Variants in ZXDC observed in about 807,000 individuals in gnomAD.
The protein encoded by ZXDC is ZXD family zinc finger C, also known as zinc finger protein ZXDC.
In ZXDC, 58 loss-of-function variants were observed where a neutral mutation model predicts 63.6. That is an observed-to-expected ratio of 0.91 (90% CI 0.74 to 1.13). The LOEUF (loss-of-function observed/expected upper bound fraction) is 1.13. Ranked by LOEUF, ZXDC falls within the 50% of genes most tolerant of loss-of-function variation. The pLI is 0.00. For missense variants in ZXDC, 1,133 were observed against 1,148.9 expected (o/e 0.99, Z 0.20); for synonymous variants, 561 against 496.1 (o/e 1.13, Z -1.74).
chr3:126,454,286 T>C, intron 7 of ZXDC: 1 of 984,608 alleles, frequency 1.0e-6, no homozygotes, highest in Non-Finnish European at 1.2e-6. Context: ...TATCTGAGAT[T>C]TCTATTGGCT....
Position 126,461,778 on chromosome 3 carries a change from G to A in ZXDC, c.1884C>T (p.Thr628=). The A allele has an allele frequency of 5.0e-6, 8 of 1,614,138 alleles. No homozygotes were observed. The highest frequency in any genetic ancestry group is 6.8e-6 in the Non-Finnish European group (8 of 1,180,014). ...KNLSDDPLAL[T]SNSNLAAHIT... ...TATGTGCTGCTAAGTTACTATTGGA[G>A]GTCAAAGCCAGTGGGTCGTCACTCA... The change falls in exon 6 of 10, where the codon ACC becomes ACT. Residue 628 remains threonine, a synonymous_variant. Transcript: ENST00000389709.
intron 7 of ZXDC, chr3:126,452,956 T>C: frequency 3.2e-6 from 3 of 946,414 alleles, no homozygotes; most frequent in Non-Finnish European, 3.8e-6. Flanking sequence ...CAGGCTGGTC[T>C]TGAACTCCTG....
chr3:126,452,785 G>C (rs1381838902), intron 7 of ZXDC, among the ~76,000 whole-genome samples: 2 of 151,256 alleles, frequency 1.3e-5, no homozygotes. Context: ...TGTCACCCAG[G>C]CTAGAGTGCA....
At position 126,439,727 on chromosome 3, in the gene ZXDC, C is replaced by A; in HGVS notation, c.2395G>T (p.Asp799Tyr). 6.5e-7 allele frequency: 1 copy of A among 1,550,326 alleles called. No homozygotes were observed. The highest frequency in any genetic ancestry group is 8.7e-7 in the Non-Finnish European group (1 of 1,146,714). ...AGGACACCTTCGCCGGAGGGGTCAT[C>A]CTGGGAAGGCAACACAGAAAGGCCT... ...AQGVQVQLVQ[D>Y]DPSGEGVLPS... Residue 799 changes from aspartate to tyrosine, a missense_variant and splice_region_variant, in exon 9 of 10, where the codon GAT becomes TAT. Asp to Tyr is a radical substitution (Grantham distance 160). Transcript: ENST00000389709.
At chr3:126,458,840 C>G in intron 7 of ZXDC, 1 of 985,412 alleles carries the variant, frequency 1.0e-6, no homozygotes, top group African/African-American at 1.7e-5. Context: ...GTGTCCCTTC[C>G]TAAGTCACAA....
rs1014329521 is a variant in ZXDC at position 126,454,638 on chromosome 3, C to T, written c.2212+5015G>A. The stretch of plus-strand genomic sequence containing the variant: ...GTGCCCTCATTACACTTCACTGTGA[C>T]ACAGGATACCCTTGGTTTTCTGTCA... On this transcript the variant is annotated intron_variant, in intron 7 of 9. Coordinates refer to ENST00000389709, the MANE Select transcript of ZXDC (RefSeq NM_025112.5). 36 of 985,384 alleles carry T rather than the reference C, an allele frequency of 3.7e-5. No individual in the cohort carries two copies. In the African/African-American group the frequency reaches 6.1e-4, roughly 17 times the overall value. 61.0% of individuals were successfully genotyped at this position (985,384 alleles called of 1,614,324 possible).
At chr3:126,451,625 C>G (rs895143137) in intron 7 of ZXDC, 2 of 985,292 alleles carry the variant, frequency 2.0e-6, no homozygotes, top group Non-Finnish European at 2.4e-6. Flanking sequence ...CTCCTGTCAC[C>G]TGGGAAGGCC....
At position 126,459,670 on chromosome 3, in the gene ZXDC, C is replaced by T. The variant is rs1352241244; in HGVS notation, c.2195G>A (p.Gly732Glu). The change falls in exon 7 of 10, where the codon GGA becomes GAA. Residue 732 changes from glycine (G) to glutamate (E), a missense_variant. Coordinates refer to ENST00000389709, the MANE Select transcript of ZXDC (RefSeq NM_025112.5). ...GGCCTCACCTGCATTGCTCCCCGCT[C>T]CTCTCTGCTTTTTTTCCTTGGCTAG... is the stretch of plus-strand genomic sequence containing the variant. ...IQLAKEKKQR[G>E]AGSNAGASQS... is the part of the protein sequence containing the mutation. 1.2e-6 allele frequency: 2 copies of T among 1,614,116 alleles called. No homozygotes were observed. The highest frequency in any genetic ancestry group is 2.7e-5 in the African/African-American group (2 of 74,942).
chr3:126,448,969 G>A (rs780768937), intron 7 of ZXDC, among the ~76,000 whole-genome samples: 3 of 152,230 alleles, frequency 2.0e-5, no homozygotes, highest in East Asian at 3.9e-4. Flanking sequence ...CTGGGGAGAC[G>A]GGACGGGGCA....
At chr3:126,441,077 A>G (rs1933657314) in intron 8 of ZXDC, 1 of 985,448 alleles carries the variant, frequency 1.0e-6, no homozygotes, top group Non-Finnish European at 1.2e-6. Flanking sequence ...TCTCTCCCCA[A>G]ATCCTTCCAA....
At chr3:126,439,169 G>C (rs1194368672) in intron 9 of ZXDC, among the ~76,000 whole-genome samples, 1 of 152,218 alleles carries the variant, frequency 6.6e-6, no homozygotes, top group Non-Finnish European at 1.5e-5. Flanking sequence ...CAATTTGCAT[G>C]GCTTATTGTA....
intron 4 of ZXDC, among the ~76,000 whole-genome samples, chr3:126,466,583 T>C (rs1934777429): frequency 6.6e-6 from 1 of 152,254 alleles, no homozygotes; most frequent in Non-Finnish European, 1.5e-5. Flanking sequence ...AAGCAACCTC[T>C]GTGCCTGTTT....
chr3:126,460,141 G>A, intron 6 of ZXDC: 2 of 985,394 alleles, frequency 2.0e-6, no homozygotes, highest in Non-Finnish European at 2.4e-6. Flanking sequence ...GCCCGGGGCA[G>A]GTCCCACCTT....
rs530789769 is a variant in ZXDC, at chr3:126,438,733, C to A, written c.2491-272G>T. 3.3e-4 allele frequency among the ~76,000 whole-genome samples: 50 copies of A among 152,342 alleles called. No individual in the cohort carries two copies. In the South Asian group the frequency reaches 9.9e-3, roughly 30 times the overall value. On this transcript the variant is annotated intron_variant, in intron 9 of 9. Transcript: ENST00000389709. ...ATATGCCTTTTTACAGAAACAAAATCATCTTTACTTCTGCAACCCTTTCTC... is the reference window on the plus strand; with the variant it reads ...ATATGCCTTTTTACAGAAACAAAATAATCTTTACTTCTGCAACCCTTTCTC...
At chr3:126,440,679 G>C in intron 8 of ZXDC, 1 of 985,664 alleles carries the variant, frequency 1.0e-6, no homozygotes. Context: ...TCAGAAGCTG[G>C]AAACAAAGGA....
rs181723293 is a variant in ZXDC, at chr3:126,457,820, G to C, written c.2212+1833C>G. Among the ~76,000 whole-genome samples the C allele has an allele frequency of 8.0e-3, 1,218 of 152,270 alleles. 7 individuals carry two copies. The highest frequency in any genetic ancestry group is 0.017 in the South Asian group (82 of 4,826). ...TGCCACCAGAGGCTGGGGGTCTCCTGCAAGAGCCCACTCCCACCTGCAGCG... is the reference window on the plus strand; with the variant it reads ...TGCCACCAGAGGCTGGGGGTCTCCTCCAAGAGCCCACTCCCACCTGCAGCG... On this transcript the variant is annotated intron_variant, in intron 7 of 9. Transcript: ENST00000389709.
rs988050198 is a variant in ZXDC at position 126,439,530 on chromosome 3, G to A, written c.2490+102C>T. 13 of 1,543,450 alleles carry A rather than the reference G, an allele frequency of 8.4e-6. No individual in the cohort carries two copies. In the East Asian group the frequency reaches 9.8e-5, roughly 12 times the overall value. On this transcript the variant is annotated intron_variant, in intron 9 of 9. Transcript: ENST00000389709. ...CAACCCACTGAGCCTCCCAAGCCACGCGGCCTCAGTGACCAGCCTGCAGCT... is the reference window on the plus strand; with the variant it reads ...CAACCCACTGAGCCTCCCAAGCCACACGGCCTCAGTGACCAGCCTGCAGCT...
chr3:126,468,765 G>A (rs572658565), intron 4 of ZXDC, among the ~76,000 whole-genome samples: 7 of 152,048 alleles, frequency 4.6e-5, no homozygotes, highest in South Asian at 4.2e-4. Context: ...AGACAACCCC[G>A]CAGGTGGCAC....
intron 7 of ZXDC, chr3:126,454,431 C>G: frequency 1.0e-6 from 1 of 985,350 alleles, no homozygotes; most frequent in Non-Finnish European, 1.2e-6. Flanking sequence ...ATGCTTTTTC[C>G]TTGAATTCTG....
Sources: gnomAD v4.1 joint callset for allele counts (sites outside exome capture counted in the v4.1 genomes callset) on GRCh38, gnomAD v4.1.1 for gene constraint, MANE v1.5 for transcripts, NCBI Gene and HGNC (gene_info 2026-07-23, HGNC 2026-07-21) for gene names.